The following NELL2 variants were observed in gnomAD, a reference collection of about 807,000 sequenced individuals.
The protein encoded by NELL2 is protein kinase C-binding protein NELL2.
NELL2 carries 41 observed loss-of-function variants against 109.6 expected under a neutral mutation model. The ratio of observed to expected loss-of-function variants is 0.37; its 90% CI spans 0.29 to 0.49. The LOEUF (loss-of-function observed/expected upper bound fraction) is 0.49. NELL2 is among the 20% of genes least tolerant of loss of function. The pLI, the probability that NELL2 is intolerant of heterozygous loss-of-function variation, is 0.98. For missense variants in NELL2, 900 were observed against 1,008.3 expected, an observed-to-expected ratio of 0.89 and a Z score of 1.45; for synonymous variants, 355 against 344.7, an observed-to-expected ratio of 1.03 and a Z score of -0.33.
At chr12:44,584,361 A>C (rs1944423655) in intron 15 of NELL2, among the ~76,000 whole-genome samples, 2 of 152,326 alleles carry the variant, frequency 1.3e-5, no homozygotes, top group South Asian at 4.1e-4. Flanking sequence ...AATGTCACAT[A>C]ACTGATGGAG....
At chr12:44,680,768 T>C (rs118056485) in intron 12 of NELL2, among the ~76,000 whole-genome samples, 2 of 152,280 alleles carry the variant, frequency 1.3e-5, no homozygotes, top group East Asian at 3.9e-4. Flanking sequence ...CTGTTCTCTC[T>C]CACATTCATT....
chr12:44,797,277 G>C (rs916285681), intron 3 of NELL2, among the ~76,000 whole-genome samples: 2 of 152,076 alleles, frequency 1.3e-5, no homozygotes, highest in African/African-American at 4.8e-5. Context: ...GAAGTGGCAG[G>C]CTCAAGGAAC....
At position 44,705,016 on chromosome 12, in the gene NELL2, C is replaced by CAA. The variant is rs11380443; in HGVS notation, c.1190-1164_1190-1163dup. Among the ~76,000 whole-genome samples the CAA allele has an allele frequency of 1.6e-3, 163 of 103,294 alleles. 2 individuals carry two copies. Among genetic ancestry groups the CAA allele is most frequent in the South Asian group, 0.01 (35 of 3,444 alleles). The allele number at this position is 103,294 out of a possible 152,430, so 67.8% of individuals were successfully genotyped here. A position where few individuals can be genotyped will look rare whatever the true frequency, so the allele number is the denominator to read the frequency against. On this transcript the variant is annotated intron_variant, in intron 11 of 19. Coordinates refer to ENST00000429094, the MANE Select transcript of NELL2 (RefSeq NM_001145108.2). ...CCTGGGCAAAAGAGTAGGACTCCAT[C>CAA]AAAAAAAAAAAAAAAAAAGGACTAA...
intron 3 of NELL2, among the ~76,000 whole-genome samples, chr12:44,803,460 T>A (rs942097462): frequency 6.6e-6 from 1 of 152,110 alleles, no homozygotes; most frequent in Non-Finnish European, 1.5e-5. Flanking sequence ...TGAAGTGTCT[T>A]GTCAGTAAAT....
chr12:44,530,010 A>G (rs910466383), intron 16 of NELL2, among the ~76,000 whole-genome samples: 1 of 152,154 alleles, frequency 6.6e-6, no homozygotes, highest in African/African-American at 2.4e-5. Context: ...GCAGTTGAAA[A>G]AGACTTAACT....
chr12:44,871,493 A>G (rs924611932), intron 2 of NELL2, among the ~76,000 whole-genome samples: 1 of 152,220 alleles, frequency 6.6e-6, no homozygotes, highest in African/African-American at 2.4e-5. Flanking sequence ...ACTGGAGCTT[A>G]GAGAAATTAA....
At chr12:44,549,625 G>A (rs957941108) in intron 15 of NELL2, among the ~76,000 whole-genome samples, 8 of 151,940 alleles carry the variant, frequency 5.3e-5, no homozygotes, top group African/African-American at 1.2e-4. Flanking sequence ...CACTAATGGC[G>A]AACTATTTGA....
intron 2 of NELL2, among the ~76,000 whole-genome samples, chr12:44,871,122 C>A (rs1482642470): frequency 2.6e-5 from 4 of 152,118 alleles, no homozygotes; most frequent in Admixed American, 2.6e-4. Context: ...AGTCCCTTTG[C>A]CTATCCCCAT....
intron 2 of NELL2, among the ~76,000 whole-genome samples, chr12:44,853,421 T>C (rs1352298718): frequency 6.6e-6 from 1 of 152,178 alleles, no homozygotes; most frequent in East Asian, 1.9e-4. Context: ...CTGAATTCTT[T>C]AGAGTCAAAT....
intron 2 of NELL2, among the ~76,000 whole-genome samples, chr12:44,833,114 C>T (rs1448712784): frequency 1.3e-5 from 2 of 152,186 alleles, no homozygotes; most frequent in Admixed American, 6.5e-5. Flanking sequence ...CTACACAGAA[C>T]GTTCAGAACA....
intron 12 of NELL2, among the ~76,000 whole-genome samples, chr12:44,679,912 G>T (rs1451411747): frequency 6.6e-6 from 1 of 152,000 alleles, no homozygotes; most frequent in Non-Finnish European, 1.5e-5. Context: ...CTTTTTGTCT[G>T]TGCTTATTCA....
chr12:44,901,375 A>C (rs181588565), intron 1 of NELL2, among the ~76,000 whole-genome samples: 1 of 152,358 alleles, frequency 6.6e-6, no homozygotes, highest in Admixed American at 6.5e-5. Flanking sequence ...TGAATATATC[A>C]ATAAAAAGTC....
At chr12:44,913,496 A>G (rs1945801363) in intron 1 of NELL2, among the ~76,000 whole-genome samples, 1 of 152,194 alleles carries the variant, frequency 6.6e-6, no homozygotes, top group South Asian at 2.1e-4. Context: ...AAAAACAAAG[A>G]TAAATATAAT....
chr12:44,863,473 C>G (rs1299709890), intron 2 of NELL2, among the ~76,000 whole-genome samples: 1 of 151,956 alleles, frequency 6.6e-6, no homozygotes, highest in African/African-American at 2.4e-5. Context: ...CAACAGAAGT[C>G]TTACAGACGA....
At position 44,899,166 on chromosome 12, in the gene NELL2, C is replaced by T. The variant is rs190761910; in HGVS notation, c.38+14633G>A. Among the ~76,000 whole-genome samples, 259 of 152,154 alleles carry T rather than the reference C, an allele frequency of 1.7e-3. 1 individual carries two copies. Among genetic ancestry groups the T allele is most frequent in the African/African-American group, 5.8e-3 (239 of 41,514 alleles). ...GTGTACTTGAAAGTGACAGGGAGAA[C>T]AGAACCAAGTTGAAAAACATGCTTC... On this transcript the variant is annotated intron_variant, in intron 1 of 20. Transcript: ENST00000333837.
intron 19 of NELL2, among the ~76,000 whole-genome samples, chr12:44,519,292 A>C (rs141583299): frequency 2.9e-4 from 44 of 152,354 alleles, no homozygotes; most frequent in African/African-American, 9.9e-4. Context: ...CCACAAAATT[A>C]AATTTTTGTA....
chr12:44,797,062 G>A (rs1373092792), intron 3 of NELL2, among the ~76,000 whole-genome samples: 1 of 151,726 alleles, frequency 6.6e-6, no homozygotes, highest in Admixed American at 6.6e-5. Context: ...ATTAAGAACA[G>A]GTATTAAAAA....
At chr12:44,841,827 C>T (rs1944234572) in intron 2 of NELL2, among the ~76,000 whole-genome samples, 1 of 152,066 alleles carries the variant, frequency 6.6e-6, no homozygotes, top group South Asian at 2.1e-4. Flanking sequence ...CCAGAGAATT[C>T]ACTCCCAGAA....
At chr12:44,709,115 G>T (rs1938050609) in intron 11 of NELL2, among the ~76,000 whole-genome samples, 2 of 151,994 alleles carry the variant, frequency 1.3e-5, no homozygotes, top group Admixed American at 1.3e-4. Context: ...TTTCTGTATA[G>T]CCCTTGGACA....
Sources: allele counts gnomAD v4.1 joint callset (sites outside exome capture counted in the v4.1 genomes callset), GRCh38; gene constraint gnomAD v4.1.1; transcripts MANE v1.5; gene names NCBI Gene and HGNC (gene_info 2026-07-23, HGNC 2026-07-21).